ADAMTSL1: variants seen among roughly 807,000 people sequenced by gnomAD.
ADAMTSL1 encodes the protein ADAMTS like 1.
ADAMTSL1 carries 126 observed loss-of-function variants against 201.8 expected under a neutral mutation model. The observed-to-expected ratio is 0.62, with a 90% CI of 0.54 to 0.72. The LOEUF (loss-of-function observed/expected upper bound fraction) is 0.72, where lower values mean the gene tolerates loss of function less well. Ranked by LOEUF, ADAMTSL1 falls within the 30% of genes least tolerant of loss-of-function variation. The pLI is 0.00. For synonymous variants in ADAMTSL1, 1,121 were observed against 903.4 expected, an observed-to-expected ratio of 1.24 and a Z score of -4.32; for missense variants, 2,679 against 2,277.8, an observed-to-expected ratio of 1.18 and a Z score of -3.59.
intron 1 of ADAMTSL1, among the ~76,000 whole-genome samples, chr9:18,002,498 A>G (rs891117761): frequency 1.3e-5 from 2 of 152,048 alleles, no homozygotes; most frequent in African/African-American, 4.8e-5. Context: ...TAATAATGTA[A>G]CTATTATTAC....
At chr9:18,740,089 T>C (rs763561439) in intron 15 of ADAMTSL1, among the ~76,000 whole-genome samples, 1 of 152,184 alleles carries the variant, frequency 6.6e-6, no homozygotes. Context: ...CAGGCTTGAA[T>C]TGGTTTCATG....
chr9:18,357,881 C>G (rs1836324058), intron 2 of ADAMTSL1, among the ~76,000 whole-genome samples: 1 of 152,172 alleles, frequency 6.6e-6, no homozygotes, highest in Non-Finnish European at 1.5e-5. Flanking sequence ...ATTCTCTACC[C>G]TGTCCAGCTC....
chr9:18,062,910 T>A (rs1161434127), intron 1 of ADAMTSL1, among the ~76,000 whole-genome samples: 1 of 152,230 alleles, frequency 6.6e-6, no homozygotes, highest in African/African-American at 2.4e-5. Context: ...TTAAATTTAG[T>A]AATTTTGTTT....
At position 18,826,432 on chromosome 9, in the gene ADAMTSL1, GCTGA is replaced by G; in HGVS notation, c.4088_4091del (p.Thr1363ArgfsTer6). On this transcript the variant is annotated frameshift_variant, in exon 22 of 29. Transcript: ENST00000380548. LOFTEE classifies it high-confidence loss of function. Reference sequence around the variant, plus strand: ...GCAGGGCGGCCAATCTTCATGGAGAGCTGACTGAGAGCACCCAGCTGCTGATCCT... The same window carrying G: ...GCAGGGCGGCCAATCTTCATGGAGAGCTGAGAGCACCCAGCTGCTGATCCT... 6.2e-7 allele frequency: 1 copy of G among 1,613,738 alleles called. No individual in the cohort carries two copies. Among genetic ancestry groups the G allele is most frequent in the South Asian group, 1.1e-5 (1 of 90,974 alleles).
intron 1 of ADAMTSL1, among the ~76,000 whole-genome samples, chr9:18,056,834 C>T (rs1383143757): frequency 1.3e-5 from 2 of 152,136 alleles, no homozygotes; most frequent in Non-Finnish European, 2.9e-5. Context: ...CCCTGCAGTG[C>T]CCTTCACAGA....
At chr9:18,513,719 G>A (rs1191786265) in intron 2 of ADAMTSL1, among the ~76,000 whole-genome samples, 1 of 152,134 alleles carries the variant, frequency 6.6e-6, no homozygotes, top group African/African-American at 2.4e-5. Flanking sequence ...TGGATATCCA[G>A]TTTTCCCAGC....
chr9:18,067,839 T>A (rs7023403), intron 1 of ADAMTSL1, among the ~76,000 whole-genome samples: 1 of 152,274 alleles, frequency 6.6e-6, no homozygotes, highest in Admixed American at 6.5e-5. Context: ...GATTTAATGC[T>A]GTTATTGAAG....
intron 26 of ADAMTSL1, among the ~76,000 whole-genome samples, chr9:18,900,331 A>G (rs960116875): frequency 7.2e-5 from 11 of 152,250 alleles, no homozygotes; most frequent in African/African-American, 2.7e-4. Flanking sequence ...TGTTGGTGAG[A>G]ATATAAATTA....
chr9:18,877,596 T>G (rs7032557), intron 23 of ADAMTSL1, among the ~76,000 whole-genome samples: 83,665 of 151,978 alleles, frequency 0.55, 23,441 homozygotes, highest in African/African-American at 0.63. Flanking sequence ...TTCAGGTCTC[T>G]CAGCCATGAA....
In ADAMTSL1 at chr9:18,537,904, G is replaced by GA. The variant is rs796553493; in HGVS notation, c.237+4614dup. Among the ~76,000 whole-genome samples the GA allele has an allele frequency of 4.6e-3, 680 of 146,482 alleles. 17 individuals are homozygous for GA. Among genetic ancestry groups the GA allele is most frequent in the African/African-American group, 0.017 (667 of 39,300 alleles). On this transcript the variant is annotated intron_variant, in intron 3 of 28. Coordinates refer to ENST00000380548, the MANE Select transcript of ADAMTSL1 (RefSeq NM_001040272.6). ...AAAAAAAAAAAAAAAGAAGAAAGAA[G>GA]AAGAAGAAGAAGAGAAGAAAGAAGA...
At chr9:18,473,127 G>C (rs1280984126), upstream of ADAMTSL1, among the ~76,000 whole-genome samples, 1 of 152,146 alleles carries the variant, frequency 6.6e-6, no homozygotes, top group African/African-American at 2.4e-5. Flanking sequence ...ATAGTGGATG[G>C]AAAAATGAGG....
intron 2 of ADAMTSL1, among the ~76,000 whole-genome samples, chr9:18,347,605 C>G (rs1835781973): frequency 6.6e-6 from 1 of 152,172 alleles, no homozygotes; most frequent in South Asian, 2.1e-4. Context: ...CAGCTGTCAT[C>G]ATCATTTATT....
intron 2 of ADAMTSL1, among the ~76,000 whole-genome samples, chr9:18,377,186 C>A (rs1053498765): frequency 2.0e-5 from 3 of 152,216 alleles, no homozygotes; most frequent in African/African-American, 7.2e-5. Flanking sequence ...GCGTCATTTA[C>A]TAGCTGTGTA....
chr9:18,874,309 C>T (rs1018263847), intron 23 of ADAMTSL1, among the ~76,000 whole-genome samples: 1 of 152,050 alleles, frequency 6.6e-6, no homozygotes, highest in Non-Finnish European at 1.5e-5. Context: ...TGTCTGATTG[C>T]TCCGGCTAGG....
chr9:18,866,564 T>C (rs1277447413), intron 23 of ADAMTSL1, among the ~76,000 whole-genome samples: 1 of 152,210 alleles, frequency 6.6e-6, no homozygotes. Flanking sequence ...TAAAAGTGTT[T>C]CCAATTCAAG....
intron 4 of ADAMTSL1, among the ~76,000 whole-genome samples, chr9:18,586,290 C>A (rs1823487174): frequency 6.6e-6 from 1 of 152,060 alleles, no homozygotes; most frequent in South Asian, 2.1e-4. Context: ...TCCTGTACAC[C>A]AACAACAGCC....
At chr9:18,142,559 C>G (rs914763235) in intron 1 of ADAMTSL1, among the ~76,000 whole-genome samples, 4 of 152,144 alleles carry the variant, frequency 2.6e-5, no homozygotes, top group African/African-American at 9.7e-5. Flanking sequence ...AGACTTGGAA[C>G]AACTTATGAA....
At chr9:18,404,244 G>A (rs1372988990) in intron 2 of ADAMTSL1, among the ~76,000 whole-genome samples, 1 of 151,834 alleles carries the variant, frequency 6.6e-6, no homozygotes, top group Non-Finnish European at 1.5e-5. Context: ...TTTTTATCTT[G>A]TTTCCTTCAT....
rs1823612551 is a variant in ADAMTSL1 at position 18,083,619 on chromosome 9, C to T, written c.88-80243C>T. On this transcript the variant is annotated intron_variant, in intron 1 of 29. Transcript: ENST00000680146. ...AAGAGTTATATGAAAGACAGACTCA[C>T]AGTCATCTGGAATTCCAATTCTAAA... 2.6e-5 allele frequency among the ~76,000 whole-genome samples: 4 copies of T among 152,202 alleles called. No individual in the cohort carries two copies. In the South Asian group the frequency reaches 6.2e-4, roughly 24 times the overall value.
Sources: gnomAD v4.1 joint callset for allele counts (sites outside exome capture counted in the v4.1 genomes callset) on GRCh38, gnomAD v4.1.1 for gene constraint, MANE v1.5 for transcripts, NCBI Gene and HGNC (gene_info 2026-07-23, HGNC 2026-07-21) for gene names.